HNF4G: variants seen among roughly 807,000 people sequenced by gnomAD.
HNF4G encodes hepatocyte nuclear factor 4 gamma.
A neutral mutation model predicts 50.9 loss-of-function variants in HNF4G; 21 were observed. The observed-to-expected ratio is 0.41, with a 90% CI of 0.29 to 0.59. The LOEUF is 0.59. Among genes scored for constraint, HNF4G ranks in the 20% least tolerant of loss-of-function variants. The pLI is 0.26. For synonymous variants in HNF4G, 198 were observed against 185.6 expected, an observed-to-expected ratio of 1.07 and a Z score of -0.54; for missense variants, 527 against 559.4, an observed-to-expected ratio of 0.94 and a Z score of 0.58.
intron 2 of HNF4G, among the ~76,000 whole-genome samples, chr8:75,493,788 G>C (rs1812689566): frequency 6.6e-6 from 1 of 151,750 alleles, no homozygotes; most frequent in African/African-American, 2.4e-5. Context: ...AAACTTTTTT[G>C]CTGAACTTGT....
intron 1 of HNF4G, among the ~76,000 whole-genome samples, chr8:75,410,369 AT>A (rs1425269811): frequency 6.6e-6 from 1 of 152,168 alleles, no homozygotes; most frequent in African/African-American, 2.4e-5. Context: ...TGAAAAATTG[AT>A]TCCTCATTGT....
At chr8:75,517,979 T>TG (rs1805937696) in intron 2 of HNF4G, among the ~76,000 whole-genome samples, 1 of 114,958 alleles carries the variant, frequency 8.7e-6, no homozygotes, top group Non-Finnish European at 1.8e-5. Flanking sequence ...AAACCTCAAT[T>TG]CTTTTTTTTT....
intron 1 of HNF4G, among the ~76,000 whole-genome samples, chr8:75,441,281 T>A (rs79597222): frequency 6.6e-6 from 1 of 151,292 alleles, no homozygotes. Context: ...AGTCTTTCAA[T>A]GTCACCCAGG....
chr8:75,472,431 G>A (rs577274868), intron 1 of HNF4G, among the ~76,000 whole-genome samples: 3 of 152,236 alleles, frequency 2.0e-5, no homozygotes, highest in East Asian at 3.9e-4. Flanking sequence ...TGGTGTAGCC[G>A]AACCCTCTCA....
At chr8:75,423,656 C>T (rs971774899) in intron 1 of HNF4G, among the ~76,000 whole-genome samples, 2 of 151,822 alleles carry the variant, frequency 1.3e-5, no homozygotes, top group South Asian at 2.1e-4. Context: ...TCCCAAAGTG[C>T]TGGGATTACA....
chr8:75,418,856 T>C (rs1810709263), intron 1 of HNF4G, among the ~76,000 whole-genome samples: 1 of 151,408 alleles, frequency 6.6e-6, no homozygotes, highest in South Asian at 2.1e-4. Flanking sequence ...GCCTCCCGAG[T>C]AGCTGGGACT....
At chr8:75,493,563 A>G (rs1490452088) in intron 2 of HNF4G, among the ~76,000 whole-genome samples, 2 of 152,194 alleles carry the variant, frequency 1.3e-5, no homozygotes, top group Non-Finnish European at 2.9e-5. Flanking sequence ...AAAATTGTTT[A>G]TAATGTTAAG....
intron 1 of HNF4G, among the ~76,000 whole-genome samples, chr8:75,484,762 C>G (rs376054372): frequency 6.6e-6 from 1 of 152,324 alleles, no homozygotes; most frequent in East Asian, 1.9e-4. Context: ...ATAGAATGAG[C>G]TCAGTAAACA....
intron 2 of HNF4G, among the ~76,000 whole-genome samples, chr8:75,512,428 TTTA>T (rs568755219): frequency 3.5e-5 from 5 of 140,922 alleles, no homozygotes; most frequent in African/African-American, 8.1e-5. Flanking sequence ...GATAAACATC[TTTA>T]TTATTATTAT....
intron 1 of HNF4G, among the ~76,000 whole-genome samples, chr8:75,483,734 G>T (rs1306474890): frequency 6.6e-6 from 1 of 152,080 alleles, no homozygotes; most frequent in South Asian, 2.1e-4. Flanking sequence ...TAAATAGGAT[G>T]TATATAATAC....
intron 3 of HNF4G, among the ~76,000 whole-genome samples, chr8:75,550,469 C>A (rs183160937): frequency 6.6e-6 from 1 of 151,906 alleles, no homozygotes; most frequent in African/African-American, 2.4e-5. Flanking sequence ...TGTGCCACCA[C>A]GCCTGGCTAA....
chr8:75,449,599 A>T (rs1482464241), intron 1 of HNF4G, among the ~76,000 whole-genome samples: 3 of 144,282 alleles, frequency 2.1e-5, no homozygotes, highest in African/African-American at 7.8e-5. Context: ...CTCCGCCTCC[A>T]GGGTTCACGC....
chr8:75,415,872 C>A (rs927597641), intron 1 of HNF4G, among the ~76,000 whole-genome samples: 9 of 151,992 alleles, frequency 5.9e-5, no homozygotes, highest in Non-Finnish European at 1.2e-4. Flanking sequence ...GGGCACTTTC[C>A]CAATAGGGCA....
chr8:75,450,621 A>C (rs1811562077), intron 1 of HNF4G, among the ~76,000 whole-genome samples: 1 of 152,136 alleles, frequency 6.6e-6, no homozygotes, highest in Admixed American at 6.5e-5. Context: ...CTTGATATTG[A>C]TAATAGCCAA....
intron 1 of HNF4G, among the ~76,000 whole-genome samples, chr8:75,477,593 A>C (rs1260723048): frequency 1.3e-5 from 2 of 152,100 alleles, no homozygotes; most frequent in Non-Finnish European, 1.5e-5. Context: ...CTAAAAATTC[A>C]GTTCTTGTTT....
chr8:75,430,654 C>T (rs1186252398), intron 1 of HNF4G, among the ~76,000 whole-genome samples: 4 of 152,138 alleles, frequency 2.6e-5, no homozygotes, highest in Admixed American at 6.6e-5. Context: ...AACCTCAAAA[C>T]CTCTAAAGGT....
At chr8:75,463,557 G>A (rs1404004669) in intron 1 of HNF4G, among the ~76,000 whole-genome samples, 2 of 150,166 alleles carry the variant, frequency 1.3e-5, no homozygotes, top group Admixed American at 6.6e-5. Flanking sequence ...TTCTTCTATT[G>A]TTTACTTTTA....
intron 2 of HNF4G, among the ~76,000 whole-genome samples, chr8:75,504,325 A>T (rs1563532249): frequency 6.6e-6 from 1 of 151,982 alleles, no homozygotes; most frequent in East Asian, 1.9e-4. Context: ...AAGAAAACAA[A>T]ACATATTTTT....
chr8:75,525,215 G>C (rs1271747293), intron 2 of HNF4G, among the ~76,000 whole-genome samples: 1 of 152,100 alleles, frequency 6.6e-6, no homozygotes, highest in Non-Finnish European at 1.5e-5. Flanking sequence ...TGTCTCCCAG[G>C]CTGGAGTGCA....
Sources: allele counts gnomAD v4.1 joint callset (sites outside exome capture counted in the v4.1 genomes callset), GRCh38; gene constraint gnomAD v4.1.1; transcripts MANE v1.5; gene names NCBI Gene and HGNC (gene_info 2026-07-23, HGNC 2026-07-21).